Variants in GTF2F2 observed in about 807,000 individuals in gnomAD.
GTF2F2 encodes the protein general transcription factor IIF subunit 2, also known as ATP-dependent helicase GTF2F2.
Under a neutral mutation model 42.2 loss-of-function variants are expected in GTF2F2, and 23 were observed. The observed-to-expected ratio is 0.55, with a 90% CI of 0.39 to 0.77. The LOEUF is 0.77. GTF2F2 is among the 30% of genes least tolerant of loss of function. The probability of loss-of-function intolerance (pLI) is 0.00; values close to 1 mark genes in which losing one functional copy is unlikely to be tolerated. For missense variants in GTF2F2, 261 were observed against 287.2 expected (o/e 0.91, Z 0.66); for synonymous variants, 105 against 100.8 (o/e 1.04, Z -0.25).
intron 5 of GTF2F2, among the ~76,000 whole-genome samples, chr13:45,247,081 G>A (rs372373443): frequency 6.7e-5 from 10 of 149,964 alleles, no homozygotes; most frequent in South Asian, 2.1e-4. Context: ...TGGGCACTGC[G>A]GCTCACGCCT....
In GTF2F2 at chr13:45,267,270, G is replaced by A; in HGVS notation, c.524G>A (p.Arg175Gln). The stretch of plus-strand genomic sequence containing the variant: ...AGGAAAAAGAAAGAAGACGGAAAGC[G>A]AGCTCGAGCTGATAAACAACATGTT... ...YERKKKEDGKRARADKQHVLD... is the reference protein window; with the variant it reads ...YERKKKEDGKQARADKQHVLD... The change falls in exon 7 of 8, where the codon CGA becomes CAA. Residue 175 changes from arginine to glutamine, a missense_variant. Physicochemically the swap from Arg to Gln is conservative, Grantham distance 43 (BLOSUM62 1). Transcript: ENST00000340473. 6.2e-7 allele frequency: 1 copy of A among 1,612,534 alleles called. No homozygotes were observed. Among genetic ancestry groups the A allele is most frequent in the Non-Finnish European group, 8.5e-7 (1 of 1,178,830 alleles).
intron 4 of GTF2F2, among the ~76,000 whole-genome samples, chr13:45,205,632 G>A (rs1194784168): frequency 2.0e-5 from 3 of 152,094 alleles, no homozygotes; most frequent in African/African-American, 7.2e-5. Flanking sequence ...CGATTCCCTT[G>A]CCTCAGCCTC....
intron 6 of GTF2F2, among the ~76,000 whole-genome samples, chr13:45,266,434 T>A (rs1257578679): frequency 6.6e-6 from 1 of 152,194 alleles, no homozygotes; most frequent in East Asian, 1.9e-4. Flanking sequence ...GTCCATGTCC[T>A]TTCCTTTTTA....
intron 7 of GTF2F2, among the ~76,000 whole-genome samples, chr13:45,280,642 C>T (rs928093462): frequency 3.3e-5 from 5 of 152,126 alleles, no homozygotes; most frequent in Non-Finnish European, 7.4e-5. Context: ...ATGACACCTT[C>T]GTTTATAAAA....
chr13:45,212,166 C>CT (rs1566136888), intron 5 of GTF2F2, among the ~76,000 whole-genome samples: 1 of 152,166 alleles, frequency 6.6e-6, no homozygotes, highest in Non-Finnish European at 1.5e-5. Flanking sequence ...ATTGGTAAGT[C>CT]TGAGATATTC....
At chr13:45,165,510 T>A (rs1167956012) in intron 4 of GTF2F2, among the ~76,000 whole-genome samples, 3 of 151,406 alleles carry the variant, frequency 2.0e-5, no homozygotes, top group Non-Finnish European at 4.4e-5. Flanking sequence ...GTAGAGAAGA[T>A]TTACTTGTAG....
intron 4 of GTF2F2, among the ~76,000 whole-genome samples, chr13:45,155,223 T>TA (rs1231083812): frequency 6.6e-6 from 1 of 152,218 alleles, no homozygotes; most frequent in African/African-American, 2.4e-5. Flanking sequence ...CCTGCCAAAG[T>TA]ATAAGTGACT....
At chr13:45,173,268 A>G (rs1051666193) in intron 4 of GTF2F2, among the ~76,000 whole-genome samples, 80 of 152,158 alleles carry the variant, frequency 5.3e-4, no homozygotes, top group African/African-American at 1.9e-3. Context: ...CTCAGTGGTA[A>G]TATTGCAATT....
intron 5 of GTF2F2, among the ~76,000 whole-genome samples, chr13:45,244,756 C>T (rs1442465278): frequency 3.3e-5 from 5 of 152,150 alleles, no homozygotes; most frequent in African/African-American, 4.8e-5. Context: ...CTGCAACCTC[C>T]GCTTCCTGGG....
At chr13:45,166,684 A>G (rs1170091771) in intron 4 of GTF2F2, among the ~76,000 whole-genome samples, 2 of 152,226 alleles carry the variant, frequency 1.3e-5, no homozygotes, top group African/African-American at 2.4e-5. Context: ...TCAAAGTAAA[A>G]TAGAAGTAGG....
chr13:45,153,105 G>A (rs1157311264), intron 4 of GTF2F2, among the ~76,000 whole-genome samples: 1 of 151,452 alleles, frequency 6.6e-6, no homozygotes, highest in Non-Finnish European at 1.5e-5. Context: ...CGCCTACCGG[G>A]TTCACGCCAT....
intron 4 of GTF2F2, chr13:45,193,906 T>A: frequency 6.2e-7 from 1 of 1,614,156 alleles, no homozygotes; most frequent in Non-Finnish European, 8.5e-7. Flanking sequence ...CTTAAGAGTT[T>A]CCAAGGTACA....
At chr13:45,133,891 T>C (rs1035236314) in intron 1 of GTF2F2, among the ~76,000 whole-genome samples, 4 of 152,194 alleles carry the variant, frequency 2.6e-5, no homozygotes, top group African/African-American at 9.7e-5. Flanking sequence ...TGGGTCTGAG[T>C]GCACTCATTA....
At chr13:45,238,579 G>A (rs1021269213) in intron 5 of GTF2F2, among the ~76,000 whole-genome samples, 2 of 151,738 alleles carry the variant, frequency 1.3e-5, no homozygotes, top group Admixed American at 6.6e-5. Flanking sequence ...TTTGGAATCC[G>A]AACTTTCGAG....
intron 4 of GTF2F2, among the ~76,000 whole-genome samples, chr13:45,198,003 G>A (rs188935025): frequency 6.6e-6 from 1 of 152,244 alleles, no homozygotes; most frequent in African/African-American, 2.4e-5. Flanking sequence ...GAAAGATTGG[G>A]GTCCTGTTTC....
At chr13:45,181,221 G>T (rs1416245855) in intron 4 of GTF2F2, among the ~76,000 whole-genome samples, 1 of 150,144 alleles carries the variant, frequency 6.7e-6, no homozygotes, top group African/African-American at 2.5e-5. Context: ...AACCAAAGGT[G>T]ATATCCAGAT....
At chr13:45,206,937 G>C (rs1873436646) in intron 4 of GTF2F2, 1 of 152,638 alleles carries the variant, frequency 6.6e-6, no homozygotes, top group Non-Finnish European at 1.5e-5. Context: ...GACCTGCCCA[G>C]TGTCACAGTA....
At chr13:45,171,803 T>C (rs1037562626) in intron 4 of GTF2F2, among the ~76,000 whole-genome samples, 10 of 151,994 alleles carry the variant, frequency 6.6e-5, no homozygotes, top group Admixed American at 4.6e-4. Flanking sequence ...TCTGGTTCTA[T>C]AGATTTATCC....
chr13:45,225,216 A>G (rs1480306062), intron 5 of GTF2F2, among the ~76,000 whole-genome samples: 2 of 152,174 alleles, frequency 1.3e-5, no homozygotes, highest in African/African-American at 2.4e-5. Flanking sequence ...AATTCTTAAC[A>G]AGGAGGTACA....
Sources: gnomAD v4.1 joint callset for allele counts (sites outside exome capture counted in the v4.1 genomes callset) on GRCh38, gnomAD v4.1.1 for gene constraint, MANE v1.5 for transcripts, NCBI Gene and HGNC (gene_info 2026-07-23, HGNC 2026-07-21) for gene names.